SLC35F5: variants seen among roughly 807,000 people sequenced by gnomAD.
SLC35F5 encodes the protein solute carrier family 35 member F5.
Under a neutral mutation model 68.6 loss-of-function variants are expected in SLC35F5, and 54 were observed. The observed-to-expected ratio is 0.79, with a 90% CI of 0.63 to 0.99. The LOEUF is 0.99. SLC35F5 is among the 50% of genes least tolerant of loss of function. The pLI, the probability that SLC35F5 is intolerant of heterozygous loss-of-function variation, is 0.00. For synonymous variants in SLC35F5, 211 were observed against 205.2 expected (o/e 1.03, Z -0.24); for missense variants, 567 against 626.9 (o/e 0.90, Z 1.02).
At position 113,731,263 on chromosome 2, in the gene SLC35F5, G is replaced by A. The variant is rs1687874084; in HGVS notation, c.985+321C>T. On this transcript the variant is annotated intron_variant, in intron 10 of 15. Transcript: ENST00000245680. ...CAATTAAATGCAATAAATGATCCTA[G>A]ATCAGAAAAAGAACATTAGTGGAAA... is the stretch of plus-strand genomic sequence containing the variant. Among the ~76,000 whole-genome samples the A allele has an allele frequency of 2.0e-5, 3 of 152,094 alleles. No individual in the cohort carries two copies. The South Asian group carries it at 6.2e-4, about 31-fold the overall frequency.
At chr2:113,721,756 G>A (rs1379940229) in intron 13 of SLC35F5, among the ~76,000 whole-genome samples, 1 of 152,040 alleles carries the variant, frequency 6.6e-6, no homozygotes, top group East Asian at 1.9e-4. Flanking sequence ...AAAGAATGAT[G>A]TGTAATAATG....
chr2:113,712,402 C>T lies in SLC35F5; in HGVS notation c.*2816G>A, dbSNP rs1420590309. Among the ~76,000 whole-genome samples, 2 of 152,084 alleles carry T rather than the reference C, an allele frequency of 1.3e-5. No individual in the cohort carries two copies. Among genetic ancestry groups the T allele is most frequent in the African/African-American group, 2.4e-5 (1 of 41,412 alleles). On this transcript the variant is annotated 3_prime_UTR_variant, in exon 16 of 16. Transcript: ENST00000245680. Reference sequence around the variant, plus strand: ...CACGATCTCGGCTCACTGCAGGCTCCGCCTCCCGGGTTCACGCCATTCTGC... The same window carrying T: ...CACGATCTCGGCTCACTGCAGGCTCTGCCTCCCGGGTTCACGCCATTCTGC...
chr2:113,735,856 C>A lies in SLC35F5; in HGVS notation c.753G>T (p.Trp251Cys). ...CTTGATATGACAAATTTGCCAAAAA[C>A]CACTAAAGAAAAAGAAAACCAAAGT... ...AKISFFFCFV[W>C]FLANLSYQEA... The change falls in exon 8 of 16, where the codon TGG becomes TGT. Residue 251 changes from tryptophan (W) to cysteine (C), a missense_variant and splice_region_variant. Transcript: ENST00000245680. 2 of 1,604,904 alleles carry A rather than the reference C, an allele frequency of 1.2e-6. No individual in the cohort carries two copies. Among genetic ancestry groups the A allele is most frequent in the Non-Finnish European group, 1.7e-6 (2 of 1,174,586 alleles).
chr2:113,721,971 C>CTTTTTTTTTTTTTTT (rs71297192), intron 13 of SLC35F5, among the ~76,000 whole-genome samples: 8 of 107,658 alleles, frequency 7.4e-5, no homozygotes, highest in African/African-American at 2.1e-4. Context: ...TTGCTTTTAT[C>CTTTTTTTTTTTTTTT]TTTTTTTTTT....
downstream of SLC35F5, among the ~76,000 whole-genome samples, chr2:113,704,502 G>A (rs1288726627): frequency 6.6e-6 from 1 of 152,216 alleles, no homozygotes; most frequent in East Asian, 1.9e-4. Context: ...AGCCCACGGA[G>A]CTGGGAAGGC....
At chr2:113,724,114 C>T (rs1017338537) in intron 12 of SLC35F5, among the ~76,000 whole-genome samples, 15 of 152,316 alleles carry the variant, frequency 9.8e-5, no homozygotes, top group South Asian at 2.1e-4. Flanking sequence ...GGCTGAACAA[C>T]GAGTCCTTAT....
In SLC35F5 at chr2:113,740,881, TC is replaced by T. The variant is rs568162011; in HGVS notation, c.750+1810del. ...ACCTCGTGATCCACCCACCTCAGCCTCCCAAAGTGCTGGGACTACGGGCGTG... is the reference window on the plus strand; with the variant it reads ...ACCTCGTGATCCACCCACCTCAGCCTCCAAAGTGCTGGGACTACGGGCGTG... On this transcript the variant is annotated intron_variant, in intron 7 of 15. Coordinates refer to ENST00000245680, the MANE Select transcript of SLC35F5 (RefSeq NM_025181.5). Among the ~76,000 whole-genome samples, 38 of 152,278 alleles carry T rather than the reference TC, an allele frequency of 2.5e-4. No homozygotes were observed. The East Asian group carries it at 6.8e-3, about 27-fold the overall frequency.
intron 3 of SLC35F5, among the ~76,000 whole-genome samples, chr2:113,753,937 T>G (rs942935806): frequency 6.6e-6 from 1 of 151,190 alleles, no homozygotes; most frequent in Non-Finnish European, 1.5e-5. Context: ...TAGAGAAGAG[T>G]TTTAAAGCAA....
chr2:113,704,185 C>G (rs1034122286), downstream of SLC35F5: 1 of 152,472 alleles, frequency 6.6e-6, no homozygotes, highest in East Asian at 1.9e-4. Context: ...ACTGGGGGCT[C>G]GGGCAGCCCG....
Position 113,721,716 on chromosome 2 carries a change from A to G in SLC35F5, c.1341+1388T>C, listed in dbSNP as rs139902072. Among the ~76,000 whole-genome samples, 928 of 152,246 alleles carry G rather than the reference A, an allele frequency of 6.1e-3. 4 individuals carry two copies. Among genetic ancestry groups the G allele is most frequent in the Admixed American group, 9.6e-3 (147 of 15,294 alleles). On this transcript the variant is annotated intron_variant, in intron 13 of 15. Transcript: ENST00000245680. ...ATTCAGGATTATGACCTGAAGATGA[A>G]GAAGGGCCTAGATATTACTTAAATC...
At position 113,707,308 on chromosome 2, in the gene SLC35F5, A is replaced by G. The variant is rs1289082441; in HGVS notation, c.*7910T>C. 2.6e-5 allele frequency among the ~76,000 whole-genome samples: 4 copies of G among 152,194 alleles called. No homozygotes were observed. Among genetic ancestry groups the G allele is most frequent in the African/African-American group, 9.7e-5 (4 of 41,446 alleles). ...AATACAGGCCTATCAGATAAAACTA[A>G]AATGCTGCAACTTAATCAGAATGAT... On this transcript the variant is annotated 3_prime_UTR_variant, in exon 16 of 16. Transcript: ENST00000245680.
chr2:113,727,569 T>C (rs28510924), intron 11 of SLC35F5, among the ~76,000 whole-genome samples: 16,784 of 152,088 alleles, frequency 0.11, 993 homozygotes, highest in Non-Finnish European at 0.13. Flanking sequence ...ACCTATTCCC[T>C]CGACTGCCCA....
chr2:113,746,678 C>G (rs1379326954), intron 4 of SLC35F5, among the ~76,000 whole-genome samples: 1 of 152,098 alleles, frequency 6.6e-6, no homozygotes. Context: ...GTTAAAAAGG[C>G]AAGTAACAGG....
At chr2:113,731,056 C>T (rs1046264174) in intron 10 of SLC35F5, among the ~76,000 whole-genome samples, 6 of 152,178 alleles carry the variant, frequency 3.9e-5, no homozygotes, top group Admixed American at 3.9e-4. Flanking sequence ...AACAATATCA[C>T]TTCCATTATA....
chr2:113,756,343 T>G, intron 1 of SLC35F5, 27 bp downstream of exon 1: 1 of 1,563,514 alleles, frequency 6.4e-7, no homozygotes, highest in Non-Finnish European at 8.7e-7. Context: ...GCTCCGGTGA[T>G]GTCGGGGCCC....
chr2:113,741,390 C>T (rs1676266547), intron 7 of SLC35F5, among the ~76,000 whole-genome samples: 1 of 152,108 alleles, frequency 6.6e-6, no homozygotes, highest in South Asian at 2.1e-4. Flanking sequence ...GTACTTTATG[C>T]CACTTACTGT....
intron 9 of SLC35F5, chr2:113,733,508 C>T (rs539943433): frequency 3.4e-5 from 7 of 207,180 alleles, no homozygotes; most frequent in African/African-American, 1.4e-4. Flanking sequence ...TTCCCTAATG[C>T]AAAAATTTGC....
intron 12 of SLC35F5, among the ~76,000 whole-genome samples, 161 bp from the exon 13 acceptor site, chr2:113,723,355 G>C (rs1687529778): frequency 1.3e-5 from 1 of 75,146 alleles, no homozygotes; most frequent in African/African-American, 4.1e-5. Flanking sequence ...TTATTAAGAT[G>C]ATTCTCAGTT....
Position 113,755,321 on chromosome 2 carries a change from A to C in SLC35F5, c.132-15T>G. On this transcript the variant is annotated splice_polypyrimidine_tract_variant and intron_variant, in intron 2 of 15. Coordinates refer to ENST00000245680, the MANE Select transcript of SLC35F5 (RefSeq NM_025181.5). Reference sequence around the variant, plus strand: ...CCATTTGCAGTCTGTTTTTTAGAAAATACAGATCACATTAGAGATGATTTT... The same window carrying C: ...CCATTTGCAGTCTGTTTTTTAGAAACTACAGATCACATTAGAGATGATTTT... The C allele has an allele frequency of 6.2e-7, 1 of 1,613,584 alleles. No individual in the cohort carries two copies. The highest frequency in any genetic ancestry group is 8.5e-7 in the Non-Finnish European group (1 of 1,179,574).
Sources: allele counts gnomAD v4.1 joint callset (sites outside exome capture counted in the v4.1 genomes callset), GRCh38; gene constraint gnomAD v4.1.1; transcripts MANE v1.5; gene names NCBI Gene and HGNC (gene_info 2026-07-23, HGNC 2026-07-21).